KAZN: variants seen among roughly 807,000 people sequenced by gnomAD.
KAZN encodes the protein kazrin, periplakin interacting protein.
Under a neutral mutation model 87.4 loss-of-function variants are expected in KAZN, and 40 were observed. The observed-to-expected ratio is 0.46, with a 90% confidence interval of 0.36 to 0.60. The LOEUF (loss-of-function observed/expected upper bound fraction) is 0.60. Ranked by LOEUF, KAZN falls within the 20% of genes least tolerant of loss-of-function variation. KAZN has a pLI of 0.00. For missense variants in KAZN, 898 were observed against 1,073.9 expected (o/e 0.84, Z 2.29); for synonymous variants, 466 against 458.3 (o/e 1.02, Z -0.22).
At chr1:14,158,984 C>G (rs1424876875) in intron 1 of KAZN, among the ~76,000 whole-genome samples, 1 of 152,166 alleles carries the variant, frequency 6.6e-6, no homozygotes, top group Non-Finnish European at 1.5e-5. Flanking sequence ...TTCTGAGCCA[C>G]CGGGAGCTGG....
chr1:14,117,964 T>G (rs1483702808), intron 1 of KAZN, among the ~76,000 whole-genome samples: 2 of 152,202 alleles, frequency 1.3e-5, no homozygotes, highest in African/African-American at 4.8e-5. Context: ...CAGAAAGGTT[T>G]CCCACATGTG....
chr1:14,092,092 CTT>C (rs869248379), intron 1 of KAZN, among the ~76,000 whole-genome samples: 9 of 129,086 alleles, frequency 7.0e-5, no homozygotes, highest in East Asian at 2.2e-4. Context: ...ATTTTCTTTT[CTT>C]TTTTTTTTTT....
intron 1 of KAZN, among the ~76,000 whole-genome samples, chr1:14,757,907 AG>A (rs1644613811): frequency 6.6e-6 from 1 of 152,108 alleles, no homozygotes; most frequent in Middle Eastern, 3.2e-3. Context: ...GAAGGGAGGG[AG>A]GAAAGAGAGA....
chr1:14,425,564 T>G (rs574861397), intron 2 of KAZN, among the ~76,000 whole-genome samples: 1 of 152,322 alleles, frequency 6.6e-6, no homozygotes, highest in South Asian at 2.1e-4. Flanking sequence ...CATGGGCTCT[T>G]GAATCAGACA....
chr1:15,055,500 G>A (rs369944702), intron 4 of KAZN, among the ~76,000 whole-genome samples: 1 of 151,988 alleles, frequency 6.6e-6, no homozygotes. Flanking sequence ...GAGTGTTCTT[G>A]GAACCCCTCT....
chr1:14,040,784 A>AAAATTAAATTAAATTAAAATAAAATT (rs1557426843), intron 1 of KAZN, among the ~76,000 whole-genome samples: 2 of 133,466 alleles, frequency 1.5e-5, no homozygotes, highest in Non-Finnish European at 1.7e-5. Flanking sequence ...AAAATAAAAT[A>AAAATTAAATTAAATTAAAATAAAATT]AAATTAAATT....
chr1:15,100,985 A>AG (rs1311166983), intron 10 of KAZN, among the ~76,000 whole-genome samples: 4 of 151,902 alleles, frequency 2.6e-5, no homozygotes, highest in Admixed American at 2.6e-4. Flanking sequence ...CAGGGAAATG[A>AG]GGGGGGCTTA....
At chr1:14,091,850 C>T (rs1230105251) in intron 1 of KAZN, among the ~76,000 whole-genome samples, 2 of 152,082 alleles carry the variant, frequency 1.3e-5, no homozygotes, top group Admixed American at 6.5e-5. Flanking sequence ...TCATGCTAAC[C>T]TTGCTTGGTA....
chr1:14,390,987 G>A (rs1001377749), intron 2 of KAZN, among the ~76,000 whole-genome samples: 2 of 152,220 alleles, frequency 1.3e-5, no homozygotes, highest in African/African-American at 2.4e-5. Flanking sequence ...TATTGGCTTC[G>A]ACTCAGAGTG....
chr1:14,391,882 C>T (rs1369691427), intron 2 of KAZN, among the ~76,000 whole-genome samples: 1 of 152,080 alleles, frequency 6.6e-6, no homozygotes. Context: ...TCCTTTTTCA[C>T]TCCTCACAAT....
intron 2 of KAZN, among the ~76,000 whole-genome samples, chr1:14,590,210 T>A (rs1466464021): frequency 6.6e-6 from 1 of 152,158 alleles, no homozygotes. Flanking sequence ...GTAGGTGTGT[T>A]AAGTGTTTCA....
chr1:13,893,329 C>A, exon 1 of KAZN: 1 of 216,280 alleles, frequency 4.6e-6, no homozygotes, highest in South Asian at 9.0e-5. Context: ...CAGCCCCGGG[C>A]CGGGGGGCAA....
chr1:14,447,245 AT>A (rs1667035099), intron 2 of KAZN, among the ~76,000 whole-genome samples: 1 of 145,266 alleles, frequency 6.9e-6, no homozygotes, highest in African/African-American at 2.6e-5. Context: ...TATTATTATT[AT>A]TATTATTATT....
intron 1 of KAZN, among the ~76,000 whole-genome samples, chr1:14,850,264 A>T (rs1279063298): frequency 6.6e-6 from 1 of 152,190 alleles, no homozygotes; most frequent in Non-Finnish European, 1.5e-5. Context: ...TTGAGAAAGC[A>T]TGCTTCTGAT....
Position 15,116,086 on chromosome 1 carries a change from C to T in KAZN, c.*1451C>T, listed in dbSNP as rs1032508995. 2 of 152,228 alleles carry T rather than the reference C, an allele frequency of 1.3e-5. No homozygotes were observed. The highest frequency in any genetic ancestry group is 2.9e-5 in the Non-Finnish European group (2 of 68,050). 9.4% of individuals were successfully genotyped at this position (152,228 alleles called of 1,614,324 possible). ...AAGCCTTCGGGCCTCAGTTCATTGACCAGATGACAGCCACGTGATGATTAG... is the reference window on the plus strand; with the variant it reads ...AAGCCTTCGGGCCTCAGTTCATTGATCAGATGACAGCCACGTGATGATTAG... On this transcript the variant is annotated 3_prime_UTR_variant, in exon 15 of 15. Coordinates refer to ENST00000376030, the MANE Select transcript of KAZN (RefSeq NM_201628.3).
intron 2 of KAZN, among the ~76,000 whole-genome samples, chr1:14,566,611 C>T (rs1674564433): frequency 6.6e-6 from 1 of 152,224 alleles, no homozygotes; most frequent in African/African-American, 2.4e-5. Context: ...AAAGCTATTT[C>T]ATCTACACTG....
chr1:14,406,216 A>G (rs558902861), intron 2 of KAZN, among the ~76,000 whole-genome samples: 6 of 152,310 alleles, frequency 3.9e-5, no homozygotes, highest in African/African-American at 1.2e-4. Context: ...TACCCCCTAC[A>G]TATATACATC....
intron 2 of KAZN, among the ~76,000 whole-genome samples, chr1:14,565,307 TA>T (rs1306587580): frequency 1.3e-5 from 2 of 152,206 alleles, no homozygotes; most frequent in Non-Finnish European, 2.9e-5. Context: ...CCAGTGCATA[TA>T]AAAGTTGTAT....
intron 1 of KAZN, among the ~76,000 whole-genome samples, chr1:14,000,939 C>T (rs924564358): frequency 6.6e-6 from 1 of 151,774 alleles, no homozygotes; most frequent in Non-Finnish European, 1.5e-5. Context: ...CCCGCCACTA[C>T]GCCCGGCTAA....
Sources: allele counts gnomAD v4.1 joint callset (sites outside exome capture counted in the v4.1 genomes callset), GRCh38; gene constraint gnomAD v4.1.1; transcripts MANE v1.5; gene names NCBI Gene and HGNC (gene_info 2026-07-23, HGNC 2026-07-21).